The following HPSE2 variants were observed in gnomAD, a reference collection of about 807,000 sequenced individuals.
The protein encoded by HPSE2 is heparanase 2 (inactive).
HPSE2 carries 38 observed loss-of-function variants against 60.5 expected under a neutral mutation model. The ratio of observed to expected loss-of-function variants is 0.63; its 90% CI spans 0.48 to 0.82. The LOEUF is 0.82. HPSE2 is among the 40% of genes least tolerant of loss of function. The pLI, the probability that HPSE2 is intolerant of heterozygous loss-of-function variation, is 0.00. For missense variants in HPSE2, 713 were observed against 740.4 expected, an observed-to-expected ratio of 0.96 and a Z score of 0.43; for synonymous variants, 295 against 293.2, an observed-to-expected ratio of 1.01 and a Z score of -0.06.
At chr10:98,774,633 C>G (rs2801394) in intron 3 of HPSE2, among the ~76,000 whole-genome samples, 123,597 of 152,020 alleles carry the variant, frequency 0.81, 50,723 homozygotes, top group African/African-American at 0.89. Flanking sequence ...CATGGGGCTG[C>G]TCAGGAAAAA....
At chr10:98,785,676 G>A (rs1467862765) in intron 3 of HPSE2, among the ~76,000 whole-genome samples, 1 of 147,948 alleles carries the variant, frequency 6.8e-6, no homozygotes, top group South Asian at 2.2e-4. Flanking sequence ...TCTTAGGAGA[G>A]TGTATGTGTC....
At chr10:98,530,584 C>T (rs1257355378) in intron 9 of HPSE2, among the ~76,000 whole-genome samples, 1 of 152,168 alleles carries the variant, frequency 6.6e-6, no homozygotes, top group Non-Finnish European at 1.5e-5. Context: ...AGCTCTCAGT[C>T]CAAAGGCTTT....
intron 3 of HPSE2, chr10:99,013,391 G>GTA: frequency 1.8e-6 from 1 of 555,260 alleles, no homozygotes; most frequent in Non-Finnish European, 3.4e-6. Context: ...CTCTGTGTTA[G>GTA]TATAGTAAGT....
chr10:98,981,000 C>T (rs995072019), intron 3 of HPSE2, among the ~76,000 whole-genome samples: 1 of 152,080 alleles, frequency 6.6e-6, no homozygotes. Context: ...ATTTTAGTAG[C>T]TATCTCTCAT....
rs538183978 is a variant in HPSE2 at position 99,115,299 on chromosome 10, G to A, written c.610+28939C>T. Among the ~76,000 whole-genome samples, 341 of 151,966 alleles carry A rather than the reference G, an allele frequency of 2.2e-3. 2 individuals are homozygous for A. The highest frequency in any genetic ancestry group is 6.6e-3 in the African/African-American group (274 of 41,472). On this transcript the variant is annotated intron_variant, in intron 3 of 11. Coordinates refer to ENST00000370552, the MANE Select transcript of HPSE2 (RefSeq NM_021828.5). Reference sequence around the variant, plus strand: ...CTCCCAAGTAGCTGGGACTGCAGGCGCCCGCCAACACACCCAGCTAATTTT... The same window carrying A: ...CTCCCAAGTAGCTGGGACTGCAGGCACCCGCCAACACACCCAGCTAATTTT...
intron 1 of HPSE2, among the ~76,000 whole-genome samples, chr10:99,233,267 C>T (rs966628305): frequency 2.0e-5 from 3 of 152,134 alleles, no homozygotes; most frequent in Admixed American, 2.0e-4. Flanking sequence ...TGAAATAATT[C>T]CGCCTGATCT....
the HPSE2 span, among the ~76,000 whole-genome samples, chr10:99,251,480 C>T: frequency 2.7e-5 from 1 of 37,646 alleles, no homozygotes; most frequent in Non-Finnish European, 1.1e-4. Flanking sequence ...GGGACTCCTC[C>T]CTAATTCTAT....
chr10:99,086,344 T>G (rs1843315577), intron 3 of HPSE2, among the ~76,000 whole-genome samples: 1 of 130,786 alleles, frequency 7.6e-6, no homozygotes, highest in Non-Finnish European at 1.6e-5. Flanking sequence ...GAAAAGTACT[T>G]TCTTTTTTTT....
chr10:99,272,154 C>T, the HPSE2 span, among the ~76,000 whole-genome samples: 2 of 151,996 alleles, frequency 1.3e-5, no homozygotes, highest in Non-Finnish European at 2.9e-5. Context: ...GCCTGTAATC[C>T]CAGCTACTCA....
chr10:98,593,423 T>C (rs1180995855), intron 9 of HPSE2, among the ~76,000 whole-genome samples: 1 of 151,510 alleles, frequency 6.6e-6, no homozygotes, highest in Non-Finnish European at 1.5e-5. Context: ...TGGGGCATTA[T>C]GTAGGCAAAG....
the HPSE2 span, among the ~76,000 whole-genome samples, chr10:99,247,570 A>G: frequency 6.6e-6 from 1 of 152,238 alleles, no homozygotes; most frequent in Non-Finnish European, 1.5e-5. Context: ...TAAATGGTCT[A>G]AATGCCCCAC....
At chr10:99,218,057 A>G (rs1849193579) in intron 2 of HPSE2, among the ~76,000 whole-genome samples, 1 of 152,028 alleles carries the variant, frequency 6.6e-6, no homozygotes, top group East Asian at 1.9e-4. Flanking sequence ...AGTACTTGTA[A>G]CATTTAAGTG....
At chr10:98,661,361 G>A (rs1367011600) in intron 6 of HPSE2, among the ~76,000 whole-genome samples, 1 of 152,156 alleles carries the variant, frequency 6.6e-6, no homozygotes, top group East Asian at 1.9e-4. Flanking sequence ...TTTAGTTCCT[G>A]AGTAGCTAAT....
chr10:98,510,379 C>A (rs1352549792), intron 9 of HPSE2, among the ~76,000 whole-genome samples: 1 of 152,182 alleles, frequency 6.6e-6, no homozygotes, highest in Non-Finnish European at 1.5e-5. Context: ...AATACTCAGG[C>A]CCCTGAATCC....
At chr10:98,563,920 G>C (rs533684525) in intron 9 of HPSE2, among the ~76,000 whole-genome samples, 1 of 152,264 alleles carries the variant, frequency 6.6e-6, no homozygotes, top group Non-Finnish European at 1.5e-5. Context: ...GGCATACTAC[G>C]AGGGCTGGAG....
At chr10:99,175,726 C>T (rs564555587) in intron 2 of HPSE2, among the ~76,000 whole-genome samples, 1 of 152,348 alleles carries the variant, frequency 6.6e-6, no homozygotes, top group African/African-American at 2.4e-5. Context: ...TGCCTGCTGG[C>T]TCTGAATAGA....
the HPSE2 span, among the ~76,000 whole-genome samples, chr10:99,276,930 C>T: frequency 3.9e-5 from 6 of 152,122 alleles, no homozygotes; most frequent in African/African-American, 9.7e-5. Context: ...CTGATTGAAA[C>T]CATTTATACT....
At chr10:98,823,839 TA>T (rs1352424936) in intron 3 of HPSE2, among the ~76,000 whole-genome samples, 1 of 152,064 alleles carries the variant, frequency 6.6e-6, no homozygotes, top group Non-Finnish European at 1.5e-5. Context: ...AAACTGTCAA[TA>T]AGATAATATA....
At chr10:98,800,259 C>T (rs1950874620) in intron 3 of HPSE2, among the ~76,000 whole-genome samples, 1 of 151,878 alleles carries the variant, frequency 6.6e-6, no homozygotes, top group Non-Finnish European at 1.5e-5. Flanking sequence ...GTCCCAGCTA[C>T]TCAGGAGCCT....
Sources: allele counts gnomAD v4.1 joint callset (sites outside exome capture counted in the v4.1 genomes callset), GRCh38; gene constraint gnomAD v4.1.1; transcripts MANE v1.5; gene names NCBI Gene and HGNC (gene_info 2026-07-23, HGNC 2026-07-21).